Variants in TBL1XR1 observed in about 807,000 individuals in gnomAD.
The protein encoded by TBL1XR1 is TBL1X/Y related 1, also known as F-box-like/WD repeat-containing protein TBL1XR1.
In TBL1XR1, 5 loss-of-function variants were observed where a neutral mutation model predicts 66.9. That is an observed-to-expected ratio of 0.07 (90% CI 0.04 to 0.16). The LOEUF is 0.16. Among genes scored for constraint, TBL1XR1 ranks in the 10% least tolerant of loss-of-function variants. The pLI is 1.00. For missense variants in TBL1XR1, 238 were observed against 623.2 expected, an observed-to-expected ratio of 0.38 and a Z score of 6.58; for synonymous variants, 210 against 206.0, an observed-to-expected ratio of 1.02 and a Z score of -0.17.
chr3:177,185,956 A>G (rs920214330), intron 1 of TBL1XR1, among the ~76,000 whole-genome samples: 17 of 152,164 alleles, frequency 1.1e-4, no homozygotes, highest in Admixed American at 1.1e-3. Flanking sequence ...GGGTAAAGTG[A>G]GCCATGTTCA....
intron 1 of TBL1XR1, among the ~76,000 whole-genome samples, chr3:177,152,379 G>A (rs1000289744): frequency 2.0e-5 from 3 of 151,872 alleles, no homozygotes; most frequent in South Asian, 4.2e-4. Flanking sequence ...GCAATGGCGC[G>A]ATCTCAGCTC....
chr3:177,027,331 T>C (rs544856702), intron 14 of TBL1XR1: 1 of 152,340 alleles, frequency 6.6e-6, no homozygotes, highest in South Asian at 2.1e-4. Flanking sequence ...AGACGTTATA[T>C]GTTTAAACAA....
In TBL1XR1 at chr3:177,156,694, A is replaced by T. The variant is rs80304692; in HGVS notation, c.-122+40427T>A. 0.046 allele frequency among the ~76,000 whole-genome samples: 7,065 copies of T among 152,098 alleles called. 768 individuals carry two copies. In the East Asian group the frequency reaches 0.49, roughly 10 times the overall value. ...TTTCAAAGGAGCAAAATATTTGAAC[A>T]GTTCACAAAAAGATGTATGAATGTC... On this transcript the variant is annotated intron_variant, in intron 1 of 15. Coordinates refer to ENST00000457928, the MANE Select transcript of TBL1XR1 (RefSeq NM_024665.7).
intron 1 of TBL1XR1, among the ~76,000 whole-genome samples, chr3:177,102,783 T>C (rs182051683): frequency 2.2e-3 from 329 of 152,298 alleles, no homozygotes; most frequent in Non-Finnish European, 3.7e-3. Context: ...CAAATCTTCC[T>C]ATCCCTCCTC....
chr3:177,193,703 T>C (rs1736456722), intron 1 of TBL1XR1, among the ~76,000 whole-genome samples: 1 of 152,180 alleles, frequency 6.6e-6, no homozygotes, highest in South Asian at 2.1e-4. Flanking sequence ...ACCCATTTAG[T>C]ACAGACGCTC....
chr3:177,060,499 C>T (rs1234483774), intron 3 of TBL1XR1, among the ~76,000 whole-genome samples: 1 of 152,130 alleles, frequency 6.6e-6, no homozygotes, highest in Non-Finnish European at 1.5e-5. Flanking sequence ...AGCTCTTAGA[C>T]ATGTAATAGT....
intron 7 of TBL1XR1, among the ~76,000 whole-genome samples, chr3:177,048,740 G>A (rs547341931): frequency 6.3e-4 from 96 of 152,258 alleles, no homozygotes; most frequent in South Asian, 2.1e-3. Flanking sequence ...ATCATTAATC[G>A]AGGATAATGT....
chr3:177,041,635 T>C (rs866584631), intron 10 of TBL1XR1, among the ~76,000 whole-genome samples: 22 of 152,232 alleles, frequency 1.4e-4, no homozygotes, highest in African/African-American at 5.3e-4. Context: ...TGTATCACCA[T>C]TTCTGACAGC....
chr3:177,047,481 T>C lies in TBL1XR1; in HGVS notation c.766+5A>G, dbSNP rs3749234. ...ACAAAGTAAAAAGGAAAATGCTTCA[T>C]TTACCATCTTTAGTCCATATTCTGG... On this transcript the variant is annotated splice_donor_5th_base_variant and intron_variant, in intron 8 of 15. Transcript: ENST00000457928. 0.2 allele frequency: 320,853 copies of C among 1,611,488 alleles called. 35,897 individuals carry two copies. The highest frequency in any genetic ancestry group is 0.46 in the East Asian group (20,691 of 44,798).
intron 3 of TBL1XR1, among the ~76,000 whole-genome samples, chr3:177,057,161 C>G (rs1717908981): frequency 6.6e-6 from 1 of 152,208 alleles, no homozygotes; most frequent in African/African-American, 2.4e-5. Context: ...CAAATTACAT[C>G]TAACATCTTG....
intron 1 of TBL1XR1, among the ~76,000 whole-genome samples, chr3:177,113,482 T>C (rs940794521): frequency 2.6e-5 from 4 of 152,084 alleles, no homozygotes; most frequent in South Asian, 2.1e-4. Flanking sequence ...ACAAATAATA[T>C]CTAAAAGAAC....
chr3:177,024,677 T>G lies in TBL1XR1; in HGVS notation c.*821A>C, dbSNP rs1478583805. 1 of 112,230 alleles carries G rather than the reference T, an allele frequency of 8.9e-6. No individual in the cohort carries two copies. The highest frequency in any genetic ancestry group is 2.6e-4 in the East Asian group (1 of 3,890). The allele number at this position is 112,230 out of a possible 1,614,324, so 7.0% of individuals were successfully genotyped here. ...CAGAAATATGTCCCAAAAAAGAAAC[T>G]ATTGCATTTAAGCCACATCACCAAA... On this transcript the variant is annotated 3_prime_UTR_variant, in exon 16 of 16. Transcript: ENST00000457928.
At chr3:177,151,309 C>A (rs1337596143) in intron 1 of TBL1XR1, among the ~76,000 whole-genome samples, 1 of 152,188 alleles carries the variant, frequency 6.6e-6, no homozygotes, top group Non-Finnish European at 1.5e-5. Flanking sequence ...GTATTAAAAA[C>A]AGTTGCATTT....
intron 1 of TBL1XR1, among the ~76,000 whole-genome samples, chr3:177,177,799 G>T (rs894226832): frequency 6.6e-6 from 1 of 152,076 alleles, no homozygotes. Flanking sequence ...TCCTGTTCTA[G>T]GTAGCTGCAG....
intron 10 of TBL1XR1, among the ~76,000 whole-genome samples, chr3:177,045,714 C>T (rs889409775): frequency 6.6e-6 from 1 of 152,058 alleles, no homozygotes; most frequent in African/African-American, 2.4e-5. Flanking sequence ...ATCATTTAGC[C>T]TTATCCCATA....
intron 1 of TBL1XR1, among the ~76,000 whole-genome samples, chr3:177,131,890 C>T (rs1275697543): frequency 7.3e-6 from 1 of 136,582 alleles, no homozygotes; most frequent in South Asian, 2.3e-4. Flanking sequence ...CTGGCATTTA[C>T]ATTCTAGTGG....
intron 1 of TBL1XR1, among the ~76,000 whole-genome samples, chr3:177,122,391 TAA>T (rs1727083625): frequency 6.6e-6 from 1 of 151,784 alleles, no homozygotes; most frequent in Non-Finnish European, 1.5e-5. Context: ...GTAATAGAAC[TAA>T]GAGAAGAGCA....
chr3:177,146,130 T>C (rs1730210425), intron 1 of TBL1XR1, among the ~76,000 whole-genome samples: 1 of 152,214 alleles, frequency 6.6e-6, no homozygotes, highest in African/African-American at 2.4e-5. Context: ...TGTGATCTGC[T>C]TAGTTCAGTA....
At chr3:177,141,461 G>A (rs1283585823) in intron 1 of TBL1XR1, among the ~76,000 whole-genome samples, 1 of 151,864 alleles carries the variant, frequency 6.6e-6, no homozygotes, top group Non-Finnish European at 1.5e-5. Context: ...GTATGCATAT[G>A]ATCTCAAGTG....
Sources: allele counts gnomAD v4.1 joint callset (sites outside exome capture counted in the v4.1 genomes callset), GRCh38; gene constraint gnomAD v4.1.1; transcripts MANE v1.5; gene names NCBI Gene and HGNC (gene_info 2026-07-23, HGNC 2026-07-21).